HS2ST1: variants seen among roughly 807,000 people sequenced by gnomAD.
HS2ST1 encodes 2-O-sulfotransferase.
A neutral mutation model predicts 42.9 loss-of-function variants in HS2ST1; 18 were observed. The observed-to-expected ratio is 0.42, with a 90% CI of 0.29 to 0.62. The LOEUF (loss-of-function observed/expected upper bound fraction) is 0.62, where lower values mean the gene tolerates loss of function less well. HS2ST1 is among the 20% of genes least tolerant of loss of function. The pLI is 0.21. For synonymous variants in HS2ST1, 146 were observed against 152.9 expected (o/e 0.95, Z 0.33); for missense variants, 334 against 433.8 (o/e 0.77, Z 2.04).
chr1:87,072,950 A>G lies in HS2ST1; in HGVS notation c.141A>G (p.Arg47=). 1 of 1,613,948 alleles carries G rather than the reference A, an allele frequency of 6.2e-7. No individual in the cohort carries two copies. The highest frequency in any genetic ancestry group is 8.5e-7 in the Non-Finnish European group (1 of 1,179,876). The change falls in exon 2 of 7, where the codon AGA becomes AGG. Residue 47 remains arginine, a synonymous_variant. Coordinates refer to ENST00000370550, the MANE Select transcript of HS2ST1 (RefSeq NM_012262.4). ...TCTTTCCAGAAAGGGCTATTGCAAGACACGAAGTCCGAGAAATTGAGCAGC... is the reference window on the plus strand; with the variant it reads ...TCTTTCCAGAAAGGGCTATTGCAAGGCACGAAGTCCGAGAAATTGAGCAGC... The part of the protein sequence containing the change: ...SRSKLERAIA[R]HEVREIEQRH...
At chr1:86,961,405 C>T (rs1570448038) in intron 1 of HS2ST1, among the ~76,000 whole-genome samples, 1 of 151,646 alleles carries the variant, frequency 6.6e-6, no homozygotes, top group East Asian at 1.9e-4. Flanking sequence ...GTTGATAAAA[C>T]AAGAAAAGCT....
At chr1:86,993,747 G>T (rs1649022759) in intron 1 of HS2ST1, among the ~76,000 whole-genome samples, 1 of 152,212 alleles carries the variant, frequency 6.6e-6, no homozygotes, top group African/African-American at 2.4e-5. Flanking sequence ...CAGTTCAAAA[G>T]TGTATCTCTT....
intron 1 of HS2ST1, among the ~76,000 whole-genome samples, chr1:86,982,164 G>T (rs1332932623): frequency 1.3e-5 from 2 of 152,194 alleles, no homozygotes; most frequent in African/African-American, 4.8e-5. Context: ...CAGCTGGAAT[G>T]CAGGGTGCTC....
rs186886914 is a variant in HS2ST1 at position 87,043,243 on chromosome 1, C to A, written c.125-29691C>A. ...TGGGCTGATGGAGAGGGGAAATAATCTAGATTTATTTCATCAGAATTAGTC... is the reference window on the plus strand; with the variant it reads ...TGGGCTGATGGAGAGGGGAAATAATATAGATTTATTTCATCAGAATTAGTC... On this transcript the variant is annotated intron_variant, in intron 1 of 6. Transcript: ENST00000370550. 3.2e-3 allele frequency among the ~76,000 whole-genome samples: 483 copies of A among 152,106 alleles called. 4 individuals carry two copies. Among genetic ancestry groups the A allele is most frequent in the South Asian group, 0.028 (133 of 4,802 alleles).
intron 1 of HS2ST1, among the ~76,000 whole-genome samples, chr1:87,039,485 G>C (rs1264519013): frequency 6.6e-6 from 1 of 152,152 alleles, no homozygotes. Flanking sequence ...AAAAGAATAG[G>C]AATGAGCATC....
intron 1 of HS2ST1, among the ~76,000 whole-genome samples, chr1:86,928,723 T>C (rs1660473830): frequency 6.6e-6 from 1 of 152,016 alleles, no homozygotes; most frequent in Non-Finnish European, 1.5e-5. Flanking sequence ...TTCATCATTG[T>C]CTTCTAGGAC....
intron 1 of HS2ST1, among the ~76,000 whole-genome samples, chr1:86,982,283 C>G (rs1413533521): frequency 1.3e-5 from 2 of 152,144 alleles, no homozygotes; most frequent in Non-Finnish European, 2.9e-5. Context: ...CTGACATGCT[C>G]TAGAGACATT....
At chr1:86,963,105 T>G (rs1557495414) in intron 1 of HS2ST1, among the ~76,000 whole-genome samples, 1 of 152,174 alleles carries the variant, frequency 6.6e-6, no homozygotes, top group Non-Finnish European at 1.5e-5. Flanking sequence ...TCGAATTTTT[T>G]TTCATATTTT....
At chr1:87,097,708 A>T (rs1652101868) in intron 4 of HS2ST1, 130 bp from the exon 5 acceptor site, 6 of 1,030,774 alleles carry the variant, frequency 5.8e-6, no homozygotes, top group Middle Eastern at 2.5e-4. Flanking sequence ...AATTTACATG[A>T]CTCCAAAAAA....
intron 1 of HS2ST1, among the ~76,000 whole-genome samples, chr1:87,054,654 T>A (rs776003386): frequency 6.6e-6 from 1 of 152,180 alleles, no homozygotes; most frequent in African/African-American, 2.4e-5. Context: ...AGGATTAAAT[T>A]TCTCACCACA....
chr1:86,957,218 AAAG>A (rs1647700122), intron 1 of HS2ST1, among the ~76,000 whole-genome samples: 1 of 152,250 alleles, frequency 6.6e-6, no homozygotes, highest in Non-Finnish European at 1.5e-5. Flanking sequence ...AATGATTGAA[AAAG>A]AATTTCTGAA....
At chr1:86,974,771 G>GT (rs1276439230) in intron 1 of HS2ST1, among the ~76,000 whole-genome samples, 1 of 152,186 alleles carries the variant, frequency 6.6e-6, no homozygotes, top group Non-Finnish European at 1.5e-5. Flanking sequence ...GTGTTTCTGT[G>GT]TGAGTATAGG....
In HS2ST1 at chr1:87,072,799, C is replaced by T. The variant is rs1017884774; in HGVS notation, c.125-135C>T. On this transcript the variant is annotated intron_variant, in intron 1 of 6. Transcript: ENST00000370550. ...AACCCAAGCAATTTACCCATGTTTT[C>T]CATATCCCTTGGTTCTTTGCTTTTG... The T allele has an allele frequency of 3.5e-5, 23 of 650,380 alleles. No homozygotes were observed. The Admixed American group carries it at 6.4e-4, about 18-fold the overall frequency. 40.3% of individuals were successfully genotyped at this position (650,380 alleles called of 1,614,324 possible).
chr1:87,015,080 C>T (rs1464442178), intron 1 of HS2ST1, among the ~76,000 whole-genome samples: 4 of 152,136 alleles, frequency 2.6e-5, no homozygotes, highest in Middle Eastern at 3.4e-3. Flanking sequence ...GACAGAGTGT[C>T]GCTCTGTCAC....
chr1:87,007,782 CT>C (rs774308182), intron 1 of HS2ST1, among the ~76,000 whole-genome samples: 11 of 152,084 alleles, frequency 7.2e-5, no homozygotes, highest in Admixed American at 2.0e-4. Context: ...GTGTCCTTGT[CT>C]GTCTTTCATT....
At chr1:87,080,232 A>G (rs1651649958) in intron 2 of HS2ST1, among the ~76,000 whole-genome samples, 3 of 152,226 alleles carry the variant, frequency 2.0e-5, no homozygotes, top group African/African-American at 7.2e-5. Context: ...TAATAAAAAG[A>G]CAAGGGAACA....
rs189244128 is a variant in HS2ST1 at position 87,106,462 on chromosome 1, T to C, written c.*1766T>C. 2.1e-3 allele frequency: 313 copies of C among 152,200 alleles called. 2 individuals carry two copies. The highest frequency in any genetic ancestry group is 7.2e-3 in the African/African-American group (299 of 41,578). The allele number at this position is 152,200 out of a possible 1,614,324, so 9.4% of individuals were successfully genotyped here. ...TCTATACCTATGGTTTAAGTAAATATTTCTGAATAAGGCTTCACCATACTG... is the reference window on the plus strand; with the variant it reads ...TCTATACCTATGGTTTAAGTAAATACTTCTGAATAAGGCTTCACCATACTG... On this transcript the variant is annotated 3_prime_UTR_variant, in exon 7 of 7. Transcript: ENST00000370550.
chr1:87,069,084 G>T (rs976565841), intron 1 of HS2ST1, among the ~76,000 whole-genome samples: 1 of 152,166 alleles, frequency 6.6e-6, no homozygotes, highest in East Asian at 1.9e-4. Flanking sequence ...ACACTGAGCA[G>T]GCTGAGGAGG....
At position 87,007,583 on chromosome 1, in the gene HS2ST1, T is replaced by TA. The variant is rs1196586330; in HGVS notation, c.125-65350dup. Among the ~76,000 whole-genome samples the TA allele has an allele frequency of 2.0e-5, 3 of 152,150 alleles. No individual in the cohort carries two copies. In the East Asian group the frequency reaches 5.8e-4, roughly 29 times the overall value. On this transcript the variant is annotated intron_variant, in intron 1 of 6. Coordinates refer to ENST00000370550, the MANE Select transcript of HS2ST1 (RefSeq NM_012262.4). The stretch of plus-strand genomic sequence containing the variant: ...ACCTCCTGTTTCACTTCATACCTGT[T>TA]ACTTTCTACTCATTTTTTTTCCTCT...
Sources: gnomAD v4.1 joint callset for allele counts (sites outside exome capture counted in the v4.1 genomes callset) on GRCh38, gnomAD v4.1.1 for gene constraint, MANE v1.5 for transcripts, NCBI Gene and HGNC (gene_info 2026-07-23, HGNC 2026-07-21) for gene names.